The following ADAMTS8 variants were observed in gnomAD, a reference collection of about 807,000 sequenced individuals.
ADAMTS8 encodes the protein ADAM metallopeptidase with thrombospondin type 1 motif 8.
Under a neutral mutation model 64.4 loss-of-function variants are expected in ADAMTS8, and 50 were observed. That is an observed-to-expected ratio of 0.78 (90% confidence interval 0.62 to 0.98). The LOEUF (loss-of-function observed/expected upper bound fraction) is 0.98. ADAMTS8 is among the 50% of genes least tolerant of loss of function. The probability of loss-of-function intolerance (pLI) is 0.00; values close to 1 mark genes in which losing one functional copy is unlikely to be tolerated. For synonymous variants in ADAMTS8, 556 were observed against 533.6 expected, an observed-to-expected ratio of 1.04 and a Z score of -0.58; for missense variants, 1,192 against 1,208.2, an observed-to-expected ratio of 0.99 and a Z score of 0.20.
At position 130,405,710 on chromosome 11, in the gene ADAMTS8, C is replaced by A; in HGVS notation, c.2518G>T (p.Asp840Tyr). 1 of 1,614,130 alleles carries A rather than the reference C, an allele frequency of 6.2e-7. No homozygotes were observed. Among genetic ancestry groups the A allele is most frequent in the Non-Finnish European group, 8.5e-7 (1 of 1,179,996 alleles). The change falls in exon 9 of 9, where the codon GAC becomes TAC. Residue 840 changes from aspartate to tyrosine, a missense_variant. By Grantham distance (160) the Asp-to-Tyr change is radical (BLOSUM62 -3). Around this residue, in one of 5 missense-constraint regions of ADAMTS8, gnomAD observed 147 missense variants for 154.1 expected, o/e 0.95. Transcript: ENST00000257359. ...CAGGTGCTAGAGCACTCAGACCAGTCCCCCAGCACCCACTGTGCGTGGAGC... is the reference window on the plus strand; with the variant it reads ...CAGGTGCTAGAGCACTCAGACCAGTACCCCAGCACCCACTGTGCGTGGAGC... ...PLLHAQWVLG[D>Y]WSECSSTCGA...
At chr11:130,412,804 G>T (rs189818202) in intron 5 of ADAMTS8, among the ~76,000 whole-genome samples, 3 of 152,198 alleles carry the variant, frequency 2.0e-5, no homozygotes, top group East Asian at 3.9e-4. Context: ...TTTTACAAAA[G>T]ATATGATTCT....
chr11:130,427,626 C>T lies in ADAMTS8; in HGVS notation c.661G>A (p.Val221Met), dbSNP rs368495139. Residue 221 changes from valine (V) to methionine (M), a missense_variant, in exon 1 of 9, where the codon GTG becomes ATG. Physicochemically the swap from Val to Met is conservative, Grantham distance 21. Coordinates refer to ENST00000257359, the MANE Select transcript of ADAMTS8 (RefSeq NM_007037.6). ...TKRFVSEARFVETLLVADASM... is the reference protein window; with the variant it reads ...TKRFVSEARFMETLLVADASM... Reference sequence around the variant, plus strand: ...GCATCGGCCACCAGCAGCGTCTCCACGAAGCGCGCCTCAGACACAAACCGC... The same window carrying T: ...GCATCGGCCACCAGCAGCGTCTCCATGAAGCGCGCCTCAGACACAAACCGC... 2.6e-6 allele frequency: 4 copies of T among 1,565,124 alleles called. No homozygotes were observed. Among genetic ancestry groups the T allele is most frequent in the Non-Finnish European group, 3.5e-6 (4 of 1,158,498 alleles).
In ADAMTS8 at chr11:130,405,882, C is replaced by T. The variant is rs111508160; in HGVS notation, c.2346G>A (p.Leu782=). ...TLERLQSFRP[L]PEPLTVQLLT... ...GGAGCTGCACTGTCAGAGGCTCTGG[C>T]AAGGGCCGGAAGCTCTGCAGGCGCT... is the stretch of plus-strand genomic sequence containing the variant. The change falls in exon 9 of 9, where the codon TTG becomes TTA. Residue 782 remains leucine, a synonymous_variant. Coordinates refer to ENST00000257359, the MANE Select transcript of ADAMTS8 (RefSeq NM_007037.6). The T allele has an allele frequency of 2.2e-5, 35 of 1,614,126 alleles. 1 individual carries two copies. The African/African-American group carries it at 3.5e-4, about 16-fold the overall frequency.
At position 130,428,097 on chromosome 11, in the gene ADAMTS8, A is replaced by G. The variant is rs779701701; in HGVS notation, c.190T>C (p.Phe64Leu). Residue 64 changes from phenylalanine (F) to leucine (L), a missense_variant, in exon 1 of 9, where the codon TTC becomes CTC. By Grantham distance (22) the Phe-to-Leu change is conservative. Around this residue, in one of 5 missense-constraint regions of ADAMTS8, gnomAD observed 741 missense variants for 710.6 expected, o/e 1.04. Transcript: ENST00000257359. ...ALHLSAFGKGFVLRLAPDDSF... is the reference protein window; with the variant it reads ...ALHLSAFGKGLVLRLAPDDSF... ...TCGTCGGGCGCCAGGCGCAGCACGA[A>G]GCCCTTGCCGAAGGCGGACAGGTGG... The G allele has an allele frequency of 6.5e-6, 10 of 1,534,580 alleles. No individual in the cohort carries two copies. The Admixed American group carries it at 1.9e-4, about 29-fold the overall frequency.
chr11:130,428,140 G>T lies in ADAMTS8; in HGVS notation c.147C>A (p.Ser49Arg). The T allele has an allele frequency of 1.3e-6, 2 of 1,491,504 alleles. No individual in the cohort carries two copies. The highest frequency in any genetic ancestry group is 2.2e-5 in the Admixed American group (1 of 44,484). The allele number at this position is 1,491,504 out of a possible 1,614,324, so 92.4% of individuals were successfully genotyped here. A position where few individuals can be genotyped will look rare whatever the true frequency, so the allele number is the denominator to read the frequency against. Residue 49 changes from serine to arginine, a missense_variant, in exon 1 of 9, where the codon AGC becomes AGA. By Grantham distance (110) the Ser-to-Arg change is moderately radical (BLOSUM62 -1). Around this residue, in one of 5 missense-constraint regions of ADAMTS8, gnomAD observed 741 missense variants for 710.6 expected, o/e 1.04. Coordinates refer to ENST00000257359, the MANE Select transcript of ADAMTS8 (RefSeq NM_007037.6). ...ACAGGTGGAGCGCGAGCTCGCCCGC[G>T]CTGCCGGGCAACCGCGTGGGCACCA... ...ELVVPTRLPG[S>R]AGELALHLSA...
rs1032217156 is a variant in ADAMTS8, at chr11:130,411,291, C to T, written c.1750+126G>A. The T allele has an allele frequency of 8.3e-7, 1 of 1,202,100 alleles. No homozygotes were observed. Among genetic ancestry groups the T allele is most frequent in the Non-Finnish European group, 1.2e-6 (1 of 865,648 alleles). The allele number at this position is 1,202,100 out of a possible 1,614,324, so 74.5% of individuals were successfully genotyped here. On this transcript the variant is annotated intron_variant, in intron 6 of 8. Coordinates refer to ENST00000257359, the MANE Select transcript of ADAMTS8 (RefSeq NM_007037.6). The surrounding 1 kb of genome is among the most constrained non-coding windows in gnomAD (Gnocchi z 4.2). Reference sequence around the variant, plus strand: ...TCTACATCCCAGGAGACCCAATTTACTCCCCTCTGGGAGTAACTCTATATC... The same window carrying T: ...TCTACATCCCAGGAGACCCAATTTATTCCCCTCTGGGAGTAACTCTATATC...
At chr11:130,417,654 C>T (rs1001599620) in intron 2 of ADAMTS8, among the ~76,000 whole-genome samples, 3 of 143,208 alleles carry the variant, frequency 2.1e-5, no homozygotes, top group African/African-American at 9.0e-5. Context: ...CCTCAAACTC[C>T]TGGGCACAAG....
intron 6 of ADAMTS8, among the ~76,000 whole-genome samples, chr11:130,410,021 T>C (rs1267443751): frequency 6.6e-6 from 1 of 152,204 alleles, no homozygotes; most frequent in Non-Finnish European, 1.5e-5. Context: ...GGCCTTGACA[T>C]AGTGGTGTGC....
Position 130,405,210 on chromosome 11 carries a change from T to G in ADAMTS8, c.*348A>C. The G allele has an allele frequency of 3.8e-6, 4 of 1,052,144 alleles. No individual in the cohort carries two copies. Among genetic ancestry groups the G allele is most frequent in the East Asian group, 7.1e-5 (1 of 14,158 alleles). The allele number at this position is 1,052,144 out of a possible 1,614,324, so 65.2% of individuals were successfully genotyped here. On this transcript the variant is annotated 3_prime_UTR_variant, in exon 9 of 9. Transcript: ENST00000257359. The stretch of plus-strand genomic sequence containing the variant: ...TAGATTATTTATCGGGGAAACCAGA[T>G]AGAATTTTTTTTTTCATTTAAGTTT...
rs998155046 is a variant in ADAMTS8, at chr11:130,406,276, T to A, written c.2100-148A>T. 5 of 988,540 alleles carry A rather than the reference T, an allele frequency of 5.1e-6. No homozygotes were observed. In the African/African-American group the frequency reaches 8.2e-5, roughly 16 times the overall value. 61.2% of individuals were successfully genotyped at this position (988,540 alleles called of 1,614,324 possible). On this transcript the variant is annotated intron_variant, in intron 8 of 8. Coordinates refer to ENST00000257359, the MANE Select transcript of ADAMTS8 (RefSeq NM_007037.6). ...AAGCAAGTTGCCTCAAAGTTCTCAA[T>A]AAATTAGCTGTTTAGGCAGACAGAA... is the stretch of plus-strand genomic sequence containing the variant.
intron 5 of ADAMTS8, among the ~76,000 whole-genome samples, chr11:130,412,586 A>G (rs976090393): frequency 2.0e-5 from 3 of 152,234 alleles, no homozygotes; most frequent in Non-Finnish European, 4.4e-5. Context: ...CCAAAGGTTC[A>G]TAGAGTATTC....
At position 130,416,154 on chromosome 11, in the gene ADAMTS8, G is replaced by A. The variant is rs200685921; in HGVS notation, c.1264+9C>T. 2.6e-5 allele frequency: 41 copies of A among 1,565,398 alleles called. No homozygotes were observed. The East Asian group carries it at 6.8e-4, about 26-fold the overall frequency. ...CGGGGACAAGTAGGGCGGGGCCGCC[G>A]GTGCCTACCGTGCCCGCCGTCCAGA... On this transcript the variant is annotated intron_variant, in intron 4 of 8. Transcript: ENST00000257359. This position sits in a 1 kb window ranked among gnomAD's most constrained non-coding sequence, Gnocchi z 4.8.
At chr11:130,406,185 A>G (rs936065104) in intron 8 of ADAMTS8, 57 bp from the exon 9 acceptor site, 63 of 1,552,770 alleles carry the variant, frequency 4.1e-5, no homozygotes, top group Non-Finnish European at 5.0e-5. Flanking sequence ...CCAGGTCACG[A>G]TGATGCCTTG....
chr11:130,428,262 G>T lies in ADAMTS8; in HGVS notation c.25C>A (p.Arg9=). 2.5e-6 allele frequency: 3 copies of T among 1,209,780 alleles called. No individual in the cohort carries two copies. The East Asian group carries it at 1.1e-4, about 45-fold the overall frequency. The allele number at this position is 1,209,780 out of a possible 1,614,324, so 74.9% of individuals were successfully genotyped here. A position where few individuals can be genotyped will look rare whatever the true frequency, so the allele number is the denominator to read the frequency against. Residue 9 remains arginine, a synonymous_variant, in exon 1 of 9, where the codon CGG becomes AGG. Transcript: ENST00000257359. The part of the protein sequence containing the change: MLPAPAAP[R]WPPLLLLLLL... ...AGCAGCAGCAGGAGCGGAGGCCACC[G>T]GGGGGCGGCGGGGGCGGGGAGCATG...
At position 130,427,746 on chromosome 11, in the gene ADAMTS8, C is replaced by G. The variant is rs564335492; in HGVS notation, c.541G>C (p.Asp181His). The G allele has an allele frequency of 5.0e-6, 8 of 1,595,930 alleles. No individual in the cohort carries two copies. In the Admixed American group the frequency reaches 1.4e-4, roughly 27 times the overall value. Reference sequence around the variant, plus strand: ...TCCTCCTCGCTGTCCTCCTGGTGGTCTCCTCTCTCCTGCCTCTGACCCTCT... The same window carrying G: ...TCCTCCTCGCTGTCCTCCTGGTGGTGTCCTCTCTCCTGCCTCTGACCCTCT... ...TGEGQRQERG[D>H]HQEDSEEESQ... Residue 181 changes from aspartate to histidine, a missense_variant, in exon 1 of 9, where the codon GAC becomes CAC. Around this residue, in one of 5 missense-constraint regions of ADAMTS8, gnomAD observed 741 missense variants for 710.6 expected, o/e 1.04. Transcript: ENST00000257359.
At chr11:130,420,515 TCAC>T (rs1827757412) in intron 1 of ADAMTS8, among the ~76,000 whole-genome samples, 1 of 152,072 alleles carries the variant, frequency 6.6e-6, no homozygotes, top group South Asian at 2.1e-4. Flanking sequence ...GATCCCTAGA[TCAC>T]CACCTCTTGG....
intron 6 of ADAMTS8, among the ~76,000 whole-genome samples, chr11:130,410,819 G>C (rs1861942725): frequency 6.6e-6 from 1 of 152,214 alleles, no homozygotes; most frequent in Admixed American, 6.5e-5. Context: ...AGGGGAGGGA[G>C]AGGTAGTATT....
At chr11:130,422,866 A>G (rs987691657) in intron 1 of ADAMTS8, among the ~76,000 whole-genome samples, 2 of 152,080 alleles carry the variant, frequency 1.3e-5, no homozygotes, top group Non-Finnish European at 2.9e-5. Context: ...CACTCTAACA[A>G]ATGGTTTCCA....
intron 1 of ADAMTS8, among the ~76,000 whole-genome samples, chr11:130,424,228 G>T (rs1442715909): frequency 6.6e-6 from 1 of 152,176 alleles, no homozygotes; most frequent in East Asian, 1.9e-4. Context: ...ATTCAGCTTT[G>T]GGAGACTTGG....
Sources: gnomAD v4.1 joint callset for allele counts (sites outside exome capture counted in the v4.1 genomes callset) on GRCh38, gnomAD v4.1.1 for gene constraint, gnomAD v4.1.1 regional missense constraint, Gnocchi (gnomAD v3.1) non-coding constraint, MANE v1.5 for transcripts, NCBI Gene and HGNC (gene_info 2026-07-23, HGNC 2026-07-21) for gene names.